The following ARHGAP19 variants were observed in gnomAD, a reference collection of about 807,000 sequenced individuals.
The protein encoded by ARHGAP19 is rho GTPase-activating protein 19.
A neutral mutation model predicts 60.9 loss-of-function variants in ARHGAP19; 48 were observed. The observed-to-expected ratio is 0.79, with a 90% CI of 0.62 to 1.00. The LOEUF (loss-of-function observed/expected upper bound fraction) is 1.00, where lower values mean the gene tolerates loss of function less well. ARHGAP19 is among the 50% of genes least tolerant of loss of function. ARHGAP19 has a pLI of 0.00. For synonymous variants in ARHGAP19, 209 were observed against 215.5 expected, an observed-to-expected ratio of 0.97 and a Z score of 0.27; for missense variants, 562 against 597.2, an observed-to-expected ratio of 0.94 and a Z score of 0.61.
At chr10:97,273,591 C>T (rs1487466553) in intron 1 of ARHGAP19, among the ~76,000 whole-genome samples, 3 of 147,110 alleles carry the variant, frequency 2.0e-5, no homozygotes, top group Admixed American at 7.1e-5. Context: ...TTGGTTCAAG[C>T]GATTCTCATG....
intron 4 of ARHGAP19, among the ~76,000 whole-genome samples, chr10:97,262,382 CT>C (rs1842842021): frequency 6.6e-6 from 1 of 151,832 alleles, no homozygotes; most frequent in Non-Finnish European, 1.5e-5. Flanking sequence ...AATAAATTTC[CT>C]TGGCTGGGCA....
At chr10:97,270,636 G>A (rs1442511964) in intron 1 of ARHGAP19, 1 of 1,548,708 alleles carries the variant, frequency 6.5e-7, no homozygotes, top group African/African-American at 1.4e-5. Flanking sequence ...ATGAGGCATT[G>A]GTAAATCGAA....
intron 1 of ARHGAP19, among the ~76,000 whole-genome samples, chr10:97,267,308 G>C (rs984047521): frequency 6.6e-6 from 1 of 152,236 alleles, no homozygotes; most frequent in African/African-American, 2.4e-5. Flanking sequence ...TGATGCAAGA[G>C]GTGGGTTCTC....
At chr10:97,281,037 G>C (rs1373508998) in intron 1 of ARHGAP19, among the ~76,000 whole-genome samples, 1 of 151,594 alleles carries the variant, frequency 6.6e-6, no homozygotes, top group Non-Finnish European at 1.5e-5. Context: ...AATGGTTTTT[G>C]TTCTGGCACA....
chr10:97,279,155 T>C (rs1843053763), intron 1 of ARHGAP19, among the ~76,000 whole-genome samples: 1 of 152,128 alleles, frequency 6.6e-6, no homozygotes, highest in Non-Finnish European at 1.5e-5. Context: ...ATGTATCAAA[T>C]TTAAGCCAGT....
chr10:97,290,075 C>T (rs2134936622), intron 1 of ARHGAP19, among the ~76,000 whole-genome samples: 1 of 152,236 alleles, frequency 6.6e-6, no homozygotes, highest in African/African-American at 2.4e-5. Context: ...TAGGCAGCTT[C>T]AAGAGTGGAA....
intron 6 of ARHGAP19, among the ~76,000 whole-genome samples, chr10:97,247,335 T>C (rs1281889390): frequency 1.3e-5 from 2 of 152,046 alleles, no homozygotes. Flanking sequence ...AAATACCATT[T>C]AGAATTACTA....
At chr10:97,230,382 G>C (rs2861875) in intron 9 of ARHGAP19, among the ~76,000 whole-genome samples, 75,250 of 151,972 alleles carry the variant, frequency 0.5, 20,800 homozygotes, top group East Asian at 0.71. Flanking sequence ...CATTCTATAA[G>C]AGTTCCTAAT....
At chr10:97,263,824 C>T (rs1313737215) in intron 3 of ARHGAP19, among the ~76,000 whole-genome samples, 195 bp from the exon 4 acceptor site, 4 of 152,150 alleles carry the variant, frequency 2.6e-5, no homozygotes, top group Non-Finnish European at 5.9e-5. Flanking sequence ...TGTCCCTGAG[C>T]ATTTGGAGAT....
intron 6 of ARHGAP19, among the ~76,000 whole-genome samples, chr10:97,249,466 T>C (rs1035251097): frequency 1.3e-5 from 2 of 152,234 alleles, no homozygotes; most frequent in African/African-American, 4.8e-5. Flanking sequence ...ATTAAGACTG[T>C]AGACCTGGCT....
At position 97,257,282 on chromosome 10, in the gene ARHGAP19, CTTT is replaced by C. The variant is rs34047177; in HGVS notation, c.841-881_841-879del. Among the ~76,000 whole-genome samples the C allele has an allele frequency of 1.5e-3, 119 of 81,578 alleles. 1 individual carries two copies. The highest frequency in any genetic ancestry group is 4.0e-3 in the African/African-American group (96 of 24,004). 53.5% of individuals were successfully genotyped at this position (81,578 alleles called of 152,430 possible). A position where few individuals can be genotyped will look rare whatever the true frequency, so the allele number is the denominator to read the frequency against. On this transcript the variant is annotated intron_variant, in intron 5 of 11. Transcript: ENST00000358531. Reference sequence around the variant, plus strand: ...TACTTTATCTGTTTGCTTTTAAATACTTTTTTTTTTTTTTTTTTTTTTAGAGAT... The same window carrying C: ...TACTTTATCTGTTTGCTTTTAAATACTTTTTTTTTTTTTTTTTTTAGAGAT...
chr10:97,249,594 A>G (rs1842612402), intron 6 of ARHGAP19, among the ~76,000 whole-genome samples: 1 of 152,202 alleles, frequency 6.6e-6, no homozygotes, highest in Non-Finnish European at 1.5e-5. Flanking sequence ...TGATGCTTCA[A>G]TAAATGACAT....
At chr10:97,268,354 C>T in intron 1 of ARHGAP19, among the ~76,000 whole-genome samples, 1 of 152,230 alleles carries the variant, frequency 6.6e-6, no homozygotes, top group South Asian at 2.1e-4. Flanking sequence ...TCCCTGTCTT[C>T]TGAGTCCTCT....
chr10:97,278,329 T>C (rs1843044254), intron 1 of ARHGAP19, among the ~76,000 whole-genome samples: 1 of 152,236 alleles, frequency 6.6e-6, no homozygotes, highest in Admixed American at 6.5e-5. Flanking sequence ...TGTGGCAGTC[T>C]TATTTTAAAT....
intron 2 of ARHGAP19, chr10:97,265,404 CAGA>C (rs1357359961): frequency 5.7e-6 from 1 of 176,408 alleles, no homozygotes; most frequent in Non-Finnish European, 1.2e-5. Context: ...GAGGCTGAAA[CAGA>C]AGGAGAGTTT....
At chr10:97,268,478 T>C (rs1009886540) in intron 1 of ARHGAP19, among the ~76,000 whole-genome samples, 1 of 152,204 alleles carries the variant, frequency 6.6e-6, no homozygotes, top group African/African-American at 2.4e-5. Context: ...TAGTCTGTTC[T>C]CACGCTGTTA....
At chr10:97,253,660 T>C (rs1287997698) in intron 6 of ARHGAP19, among the ~76,000 whole-genome samples, 4 of 152,154 alleles carry the variant, frequency 2.6e-5, no homozygotes, top group South Asian at 2.1e-4. Context: ...CCCCAACACA[T>C]AGAAATGACA....
intron 1 of ARHGAP19, among the ~76,000 whole-genome samples, chr10:97,267,924 T>C (rs11189081): frequency 0.043 from 6,507 of 152,352 alleles, 207 homozygotes; most frequent in Non-Finnish European, 0.061. Flanking sequence ...CTCTGGCATG[T>C]CCTGGAGACA....
chr10:97,236,456 A>C (rs929887734), intron 8 of ARHGAP19, among the ~76,000 whole-genome samples: 2 of 152,198 alleles, frequency 1.3e-5, no homozygotes, highest in African/African-American at 4.8e-5. Context: ...TAGCTAGTTA[A>C]GTATCCCTCC....
Sources: allele counts gnomAD v4.1 joint callset (sites outside exome capture counted in the v4.1 genomes callset), GRCh38; gene constraint gnomAD v4.1.1; transcripts MANE v1.5; gene names NCBI Gene and HGNC (gene_info 2026-07-23, HGNC 2026-07-21).